The following MAGI1 variants were observed in gnomAD, a reference collection of about 807,000 sequenced individuals.
MAGI1 encodes membrane associated guanylate kinase, WW and PDZ domain containing 1, also known as membrane-associated guanylate kinase, WW and PDZ domain-containing protein 1.
In MAGI1, 58 loss-of-function variants were observed where a neutral mutation model predicts 139.9. That is an observed-to-expected ratio of 0.41 (90% CI 0.34 to 0.52). MAGI1 has a LOEUF of 0.52. Ranked by LOEUF, MAGI1 falls within the 20% of genes least tolerant of loss-of-function variation. MAGI1 has a pLI of 0.12. For missense variants in MAGI1, 1,874 were observed against 1,901.6 expected, an observed-to-expected ratio of 0.99 and a Z score of 0.27; for synonymous variants, 812 against 737.9, an observed-to-expected ratio of 1.10 and a Z score of -1.63.
rs916623042 is a variant in MAGI1 at position 65,773,116 on chromosome 3, G to C, written c.314-151028C>G. ...AAATAAATGAAATCATATATGTAAA[G>C]TATTCATAAAAGTACCTGACAGAGT... On this transcript the variant is annotated intron_variant, in intron 1 of 22. Coordinates refer to ENST00000402939, the MANE Select transcript of MAGI1 (RefSeq NM_001033057.2). 3.9e-5 allele frequency among the ~76,000 whole-genome samples: 6 copies of C among 152,136 alleles called. No homozygotes were observed. In the East Asian group the frequency reaches 5.8e-4, roughly 15 times the overall value.
At chr3:65,972,791 C>A (rs1378989209) in intron 1 of MAGI1, among the ~76,000 whole-genome samples, 1 of 152,200 alleles carries the variant, frequency 6.6e-6, no homozygotes, top group African/African-American at 2.4e-5. Flanking sequence ...CAGAACAACA[C>A]AAAAACATGT....
At chr3:65,527,073 G>C (rs1353732488) in intron 2 of MAGI1, among the ~76,000 whole-genome samples, 3 of 152,166 alleles carry the variant, frequency 2.0e-5, no homozygotes, top group African/African-American at 7.2e-5. Flanking sequence ...TTCTTCCATT[G>C]GTGATTGTCT....
intron 1 of MAGI1, among the ~76,000 whole-genome samples, chr3:65,644,416 C>CAAA (rs750068803): frequency 9.7e-6 from 1 of 102,856 alleles, no homozygotes; most frequent in Non-Finnish European, 2.1e-5. Context: ...AACCTCAGCC[C>CAAA]AAAAAAAAAA....
At chr3:65,548,434 G>A (rs1026862715) in intron 2 of MAGI1, among the ~76,000 whole-genome samples, 1 of 151,214 alleles carries the variant, frequency 6.6e-6, no homozygotes, top group African/African-American at 2.4e-5. Flanking sequence ...CTACAATAAG[G>A]CTCTGCACAA....
intron 1 of MAGI1, among the ~76,000 whole-genome samples, chr3:65,673,659 C>A (rs2087000343): frequency 6.6e-6 from 1 of 152,170 alleles, no homozygotes; most frequent in Non-Finnish European, 1.5e-5. Flanking sequence ...GTGCTTCCAG[C>A]TCTGACATTC....
chr3:65,713,904 C>T (rs1354918911), intron 1 of MAGI1, among the ~76,000 whole-genome samples: 10 of 151,952 alleles, frequency 6.6e-5, no homozygotes, highest in Admixed American at 5.9e-4. Flanking sequence ...AGCTTTCACT[C>T]CAATGCTGGA....
At chr3:65,520,510 T>C (rs556436110) in intron 2 of MAGI1, among the ~76,000 whole-genome samples, 1 of 152,154 alleles carries the variant, frequency 6.6e-6, no homozygotes, top group African/African-American at 2.4e-5. Flanking sequence ...TCTTGAGATA[T>C]TGTGAGGTTA....
At chr3:65,422,322 T>C (rs145058201) in intron 12 of MAGI1, among the ~76,000 whole-genome samples, 1 of 152,206 alleles carries the variant, frequency 6.6e-6, no homozygotes. Context: ...AGCTCCCACA[T>C]CTTGGCCTAT....
At chr3:65,604,016 G>A (rs1457302026) in intron 2 of MAGI1, among the ~76,000 whole-genome samples, 1 of 152,098 alleles carries the variant, frequency 6.6e-6, no homozygotes, top group Non-Finnish European at 1.5e-5. Context: ...GTTTCAACAC[G>A]TGAATTTTGG....
At chr3:65,952,550 C>G (rs975310991) in intron 1 of MAGI1, among the ~76,000 whole-genome samples, 3 of 152,132 alleles carry the variant, frequency 2.0e-5, no homozygotes, top group Non-Finnish European at 4.4e-5. Context: ...CACGGTGGCT[C>G]GCGCCTGTAA....
intron 2 of MAGI1, among the ~76,000 whole-genome samples, chr3:65,553,375 G>C: frequency 6.6e-6 from 1 of 151,452 alleles, no homozygotes; most frequent in East Asian, 1.9e-4. Context: ...AAACAGTATT[G>C]CCCTAACATT....
intron 1 of MAGI1, among the ~76,000 whole-genome samples, chr3:66,000,808 A>G (rs1052278888): frequency 1.3e-5 from 2 of 152,224 alleles, no homozygotes; most frequent in Non-Finnish European, 2.9e-5. Flanking sequence ...CTTTTACAGA[A>G]GGGCAGCAAT....
At chr3:65,576,188 T>C (rs1364123438) in intron 2 of MAGI1, among the ~76,000 whole-genome samples, 1 of 152,226 alleles carries the variant, frequency 6.6e-6, no homozygotes, top group Non-Finnish European at 1.5e-5. Flanking sequence ...TTAGCATTTT[T>C]AGCGGTTTTC....
chr3:65,757,466 C>T (rs537329725), intron 1 of MAGI1, among the ~76,000 whole-genome samples: 9 of 152,248 alleles, frequency 5.9e-5, no homozygotes, highest in African/African-American at 2.2e-4. Context: ...GGCGAAATCC[C>T]ATCTCTACTA....
At chr3:65,825,622 C>T (rs889623392) in intron 1 of MAGI1, among the ~76,000 whole-genome samples, 2 of 152,152 alleles carry the variant, frequency 1.3e-5, no homozygotes, top group Admixed American at 6.5e-5. Flanking sequence ...ACTTCTAAAA[C>T]ACCTAAAAGG....
At chr3:65,974,648 T>G (rs2065177970) in intron 1 of MAGI1, among the ~76,000 whole-genome samples, 1 of 152,136 alleles carries the variant, frequency 6.6e-6, no homozygotes. Context: ...ATCTACAGCT[T>G]GACTGGTCCA....
At chr3:65,920,193 A>G (rs146138580) in intron 1 of MAGI1, among the ~76,000 whole-genome samples, 6 of 152,256 alleles carry the variant, frequency 3.9e-5, no homozygotes, top group Admixed American at 1.3e-4. Context: ...ATTTACACAT[A>G]TTAGCCATCT....
At chr3:65,668,562 C>CTTTTTTTTTTTTTT (rs58434479) in intron 1 of MAGI1, among the ~76,000 whole-genome samples, 1 of 79,890 alleles carries the variant, frequency 1.3e-5, no homozygotes, top group African/African-American at 4.9e-5. Context: ...CCTTTTTTTT[C>CTTTTTTTTTTTTTT]TTTTTTTTTT....
chr3:65,864,923 A>G (rs1420507499), intron 1 of MAGI1, among the ~76,000 whole-genome samples: 1 of 152,212 alleles, frequency 6.6e-6, no homozygotes, highest in Non-Finnish European at 1.5e-5. Context: ...CATTATCAAA[A>G]TGATAAGACA....
Sources: allele counts gnomAD v4.1 joint callset (sites outside exome capture counted in the v4.1 genomes callset), GRCh38; gene constraint gnomAD v4.1.1; transcripts MANE v1.5; gene names NCBI Gene and HGNC (gene_info 2026-07-23, HGNC 2026-07-21).